The following PHLDB2 variants were observed in gnomAD, a reference collection of about 807,000 sequenced individuals.
PHLDB2 encodes the protein pleckstrin homology-like domain family B member 2.
PHLDB2 carries 71 observed loss-of-function variants against 123.6 expected under a neutral mutation model. The observed-to-expected ratio is 0.57, with a 90% confidence interval of 0.47 to 0.70. The LOEUF (loss-of-function observed/expected upper bound fraction) is 0.70. Ranked by LOEUF, PHLDB2 falls within the 30% of genes least tolerant of loss-of-function variation. PHLDB2 has a pLI of 0.00. For missense variants in PHLDB2, 1,446 were observed against 1,519.5 expected (o/e 0.95, Z 0.80); for synonymous variants, 547 against 541.6 (o/e 1.01, Z -0.14).
At chr3:111,940,436 T>C (rs570340139) in intron 7 of PHLDB2, 99 bp from the exon 8 acceptor site, 1 of 593,420 alleles carries the variant, frequency 1.7e-6, no homozygotes, top group South Asian at 2.6e-5. Context: ...GTCACTGTTA[T>C]TCCAGTGGTG....
rs530070858 is a variant in PHLDB2, at chr3:111,905,236, C to T, written c.1336-8083C>T. 1.3e-3 allele frequency among the ~76,000 whole-genome samples: 196 copies of T among 152,256 alleles called. 4 individuals carry two copies. In the South Asian group the frequency reaches 0.038, roughly 30 times the overall value. ...AACTGCTGTTGACTACTATTTTGTT[C>T]TGGGGATAGGTGGGAATCATTTAAA... On this transcript the variant is annotated intron_variant, in intron 2 of 17. Transcript: ENST00000431670.
chr3:111,742,143 G>T (rs1312527782), intron 1 of PHLDB2, among the ~76,000 whole-genome samples: 1 of 152,144 alleles, frequency 6.6e-6, no homozygotes, highest in East Asian at 1.9e-4. Flanking sequence ...AAAGGGATTG[G>T]TTGAGGGTCA....
intron 5 of PHLDB2, among the ~76,000 whole-genome samples, chr3:111,930,623 A>G (rs1387429624): frequency 3.3e-5 from 5 of 152,092 alleles, no homozygotes; most frequent in Non-Finnish European, 7.4e-5. Context: ...GAAAAAAAAA[A>G]TTCTGAAACT....
intron 1 of PHLDB2, among the ~76,000 whole-genome samples, chr3:111,741,736 T>G (rs1197148507): frequency 6.6e-6 from 1 of 152,204 alleles, no homozygotes; most frequent in East Asian, 1.9e-4. Context: ...TCTTAAAGAC[T>G]TCTATTGATA....
At chr3:111,949,819 C>T (rs2070592135) in intron 10 of PHLDB2, 1 of 985,882 alleles carries the variant, frequency 1.0e-6, no homozygotes, top group Non-Finnish European at 1.2e-6. Flanking sequence ...CGATCCTTTA[C>T]CTTTAAATGA....
intron 15 of PHLDB2, among the ~76,000 whole-genome samples, chr3:111,969,016 G>A (rs1292942579): frequency 6.6e-6 from 1 of 152,130 alleles, no homozygotes; most frequent in African/African-American, 2.4e-5. Context: ...TCCTAGATTG[G>A]ACGGGCTTTC....
At chr3:111,937,238 G>T (rs1344575380) in intron 6 of PHLDB2, among the ~76,000 whole-genome samples, 2 of 152,176 alleles carry the variant, frequency 1.3e-5, no homozygotes, top group Non-Finnish European at 2.9e-5. Flanking sequence ...GCAGAAGATA[G>T]AAATACATTT....
chr3:111,834,233 G>GTATATAATAGAATTATA (rs1435288917), intron 1 of PHLDB2, among the ~76,000 whole-genome samples: 2 of 55,104 alleles, frequency 3.6e-5, no homozygotes, highest in Non-Finnish European at 7.7e-5. Flanking sequence ...TATATATTAT[G>GTATATAATAGAATTATA]TATATAATAG....
At position 111,974,529 on chromosome 3, in the gene PHLDB2, C is replaced by T. The variant is rs1420162205; in HGVS notation, c.3728C>T (p.Thr1243Met). 1.2e-6 allele frequency: 2 copies of T among 1,612,990 alleles called. No homozygotes were observed. The highest frequency in any genetic ancestry group is 8.5e-7 in the Non-Finnish European group (1 of 1,179,574). Residue 1243 changes from threonine to methionine, a missense_variant, in exon 18 of 18, where the codon ACG becomes ATG. Physicochemically the swap from Thr to Met is moderately conservative, Grantham distance 81. Transcript: ENST00000431670. ...AMRIWMDVIVTGAEGYTHFLL is the reference protein window; with the variant it reads ...AMRIWMDVIVMGAEGYTHFLL ...CGGATCTGGATGGATGTTATAGTTACGGGGGCAGAAGGTTACACTCACTTC... is the reference window on the plus strand; with the variant it reads ...CGGATCTGGATGGATGTTATAGTTATGGGGGCAGAAGGTTACACTCACTTC...
At chr3:111,804,533 C>CAT (rs2061498644) in intron 1 of PHLDB2, among the ~76,000 whole-genome samples, 1 of 152,304 alleles carries the variant, frequency 6.6e-6, no homozygotes, top group African/African-American at 2.4e-5. Context: ...TTGTTTTCTA[C>CAT]GCAGAGTATA....
intron 12 of PHLDB2, among the ~76,000 whole-genome samples, chr3:111,955,088 A>G (rs2070960421): frequency 6.6e-6 from 1 of 150,892 alleles, no homozygotes; most frequent in African/African-American, 2.4e-5. Context: ...TATGCTACAT[A>G]TACATACATA....
intron 5 of PHLDB2, among the ~76,000 whole-genome samples, chr3:111,924,678 G>A (rs2068715945): frequency 6.6e-6 from 1 of 152,226 alleles, no homozygotes; most frequent in Non-Finnish European, 1.5e-5. Context: ...AATGAGAAAA[G>A]CAAAACCTGA....
chr3:111,964,752 T>G (rs181242884), intron 13 of PHLDB2, among the ~76,000 whole-genome samples: 11 of 152,158 alleles, frequency 7.2e-5, no homozygotes, highest in Admixed American at 3.9e-4. Context: ...ATAAATCTCA[T>G]GGTGGGGGCA....
At position 111,974,499 on chromosome 3, in the gene PHLDB2, C is replaced by A. The variant is rs761221612; in HGVS notation, c.3698C>A (p.Ala1233Asp). 1.9e-6 allele frequency: 3 copies of A among 1,613,760 alleles called. No homozygotes were observed. The highest frequency in any genetic ancestry group is 2.5e-6 in the Non-Finnish European group (3 of 1,179,818). The change falls in exon 18 of 18, where the codon GCC (alanine) becomes GAC (aspartate). Residue 1233 changes from alanine (A) to aspartate (D), a missense_variant. Coordinates refer to ENST00000431670, the MANE Select transcript of PHLDB2 (RefSeq NM_001134438.2). ...TATATGGTAGCCCCATCGCCAGAAGCCATGCGGATCTGGATGGATGTTATA... is the reference window on the plus strand; with the variant it reads ...TATATGGTAGCCCCATCGCCAGAAGACATGCGGATCTGGATGGATGTTATA... The part of the protein sequence containing the change: ...IYYMVAPSPE[A>D]MRIWMDVIVT...
intron 1 of PHLDB2, among the ~76,000 whole-genome samples, chr3:111,814,320 C>CTT (rs60854331): frequency 0.98 from 149,671 of 152,162 alleles, 73,663 homozygotes; most frequent in East Asian, 1. Flanking sequence ...GAAAGACTAA[C>CTT]AGCCTCCCAG....
At chr3:111,733,217 C>T (rs13090883) in intron 1 of PHLDB2, among the ~76,000 whole-genome samples, 7,471 of 152,172 alleles carry the variant, frequency 0.049, 257 homozygotes, top group Middle Eastern at 0.075. Flanking sequence ...TGCTTTGGAA[C>T]CTAGAGAGTT....
chr3:111,790,074 T>C (rs377076308), intron 1 of PHLDB2, among the ~76,000 whole-genome samples: 7 of 152,176 alleles, frequency 4.6e-5, no homozygotes, highest in African/African-American at 1.4e-4. Flanking sequence ...CCCTTGGATC[T>C]TATCAGCACC....
chr3:111,894,310 T>C (rs1254027552), intron 2 of PHLDB2, among the ~76,000 whole-genome samples: 1 of 152,094 alleles, frequency 6.6e-6, no homozygotes, highest in Non-Finnish European at 1.5e-5. Context: ...CAGTCTATCA[T>C]TGTTGGACAT....
At chr3:111,892,093 A>C (rs2066534697) in intron 2 of PHLDB2, among the ~76,000 whole-genome samples, 1 of 152,154 alleles carries the variant, frequency 6.6e-6, no homozygotes, top group Admixed American at 6.5e-5. Flanking sequence ...CTTATTTCTC[A>C]AACATGTTGT....
Sources: allele counts gnomAD v4.1 joint callset (sites outside exome capture counted in the v4.1 genomes callset), GRCh38; gene constraint gnomAD v4.1.1; transcripts MANE v1.5; gene names NCBI Gene and HGNC (gene_info 2026-07-23, HGNC 2026-07-21).